PRIM2: variants seen among roughly 807,000 people sequenced by gnomAD.
PRIM2 encodes the protein DNA primase large subunit.
PRIM2 carries 39 observed loss-of-function variants against 67.3 expected under a neutral mutation model. That is an observed-to-expected ratio of 0.58 (90% CI 0.45 to 0.76). The LOEUF (loss-of-function observed/expected upper bound fraction) is 0.76, where lower values mean the gene tolerates loss of function less well. Ranked by LOEUF, PRIM2 falls within the 30% of genes least tolerant of loss-of-function variation. PRIM2 has a pLI of 0.00. For synonymous variants in PRIM2, 143 were observed against 198.7 expected (o/e 0.72, Z 2.36); for missense variants, 398 against 598.7 (o/e 0.66, Z 3.50).
intron 8 of PRIM2, among the ~76,000 whole-genome samples, chr6:57,509,034 C>A (rs1272257565): frequency 6.6e-6 from 1 of 152,016 alleles, no homozygotes; most frequent in African/African-American, 2.4e-5. Context: ...TTTTTACTTT[C>A]ACCAGAAAGT....
At chr6:57,632,441 G>A (rs1777051965) in intron 13 of PRIM2, among the ~76,000 whole-genome samples, 1 of 152,188 alleles carries the variant, frequency 6.6e-6, no homozygotes, top group African/African-American at 2.4e-5. Context: ...CTTTACTACA[G>A]TTGTCACCCA....
At chr6:57,505,243 A>G (rs1554347184) in intron 7 of PRIM2, 17 of 152,244 alleles carry the variant, frequency 1.1e-4, no homozygotes, top group Non-Finnish European at 2.1e-4. Context: ...GGAAAACTCA[A>G]AAATCTTCCT....
At chr6:57,371,965 A>G (rs1438188706) in intron 5 of PRIM2, among the ~76,000 whole-genome samples, 1 of 152,270 alleles carries the variant, frequency 6.6e-6, no homozygotes, top group Non-Finnish European at 1.5e-5. Context: ...CAACAGAGAT[A>G]TATGTAAACA....
At chr6:57,293,518 T>C in the PRIM2 span, among the ~76,000 whole-genome samples, 1 of 152,306 alleles carries the variant, frequency 6.6e-6, no homozygotes, top group East Asian at 1.9e-4. Flanking sequence ...ATCATTCTAA[T>C]ATAAAGACAC....
At chr6:57,467,531 G>T (rs1428550356) in intron 7 of PRIM2, among the ~76,000 whole-genome samples, 102,249 of 151,960 alleles carry the variant, frequency 0.67, 34,383 homozygotes, top group South Asian at 0.74. Flanking sequence ...TACTGTAGCC[G>T]TATAGTATAG....
At chr6:57,417,765 A>G (rs1335180443) in intron 7 of PRIM2, among the ~76,000 whole-genome samples, 74 of 152,384 alleles carry the variant, frequency 4.9e-4, no homozygotes, top group African/African-American at 1.8e-3. Context: ...ACGCAGAAAC[A>G]CGAAGTGAGC....
the PRIM2 span, among the ~76,000 whole-genome samples, chr6:57,242,543 A>G: frequency 2.0e-5 from 3 of 152,212 alleles, no homozygotes; most frequent in Non-Finnish European, 4.4e-5. Context: ...TTTCCAAACC[A>G]ATATGATGGT....
At chr6:57,247,003 C>T in the PRIM2 span, among the ~76,000 whole-genome samples, 1,765 of 152,218 alleles carry the variant, frequency 0.012, 40 homozygotes, top group African/African-American at 0.04. Context: ...TACAGGTACC[C>T]ACCACCATGC....
chr6:57,231,012 C>A, the PRIM2 span, among the ~76,000 whole-genome samples: 1 of 152,162 alleles, frequency 6.6e-6, no homozygotes, highest in Non-Finnish European at 1.5e-5. Context: ...TTTTTCAATC[C>A]TAAGGATCCA....
At chr6:57,418,746 G>A (rs9475935) in intron 7 of PRIM2, among the ~76,000 whole-genome samples, 6,280 of 151,928 alleles carry the variant, frequency 0.041, 425 homozygotes, top group African/African-American at 0.14. Flanking sequence ...AATATTTCAC[G>A]ATTGCCTCCT....
At chr6:57,643,588 C>G (rs1257285150) in intron 13 of PRIM2, among the ~76,000 whole-genome samples, 9 of 152,100 alleles carry the variant, frequency 5.9e-5, no homozygotes, top group Non-Finnish European at 1.3e-4. Flanking sequence ...ATGTATTAGA[C>G]AATAAACATA....
intron 5 of PRIM2, among the ~76,000 whole-genome samples, chr6:57,360,632 CT>C (rs1330944649): frequency 6.6e-6 from 1 of 152,126 alleles, no homozygotes; most frequent in Non-Finnish European, 1.5e-5. Context: ...CTATACACAG[CT>C]GTTTGTGTTT....
intron 7 of PRIM2, among the ~76,000 whole-genome samples, chr6:57,451,779 CTT>C (rs146616279): frequency 4.5e-5 from 6 of 133,968 alleles, no homozygotes; most frequent in Admixed American, 7.5e-5. Context: ...CATTTCCTTT[CTT>C]TTTTTTTTTT....
chr6:57,312,266 C>T (rs541964274), upstream of PRIM2, among the ~76,000 whole-genome samples: 68 of 151,954 alleles, frequency 4.5e-4, no homozygotes, highest in African/African-American at 1.6e-3. Flanking sequence ...TTTGGGAGGC[C>T]GAGGCAGGAG....
chr6:57,234,956 G>A, the PRIM2 span, among the ~76,000 whole-genome samples: 9 of 152,096 alleles, frequency 5.9e-5, no homozygotes, highest in African/African-American at 1.9e-4. Context: ...GAGGATCGTC[G>A]GAGCCAAGGA....
intron 7 of PRIM2, among the ~76,000 whole-genome samples, chr6:57,504,541 A>G (rs1774214846): frequency 1.3e-5 from 2 of 152,186 alleles, no homozygotes; most frequent in Non-Finnish European, 2.9e-5. Flanking sequence ...CGATAATGAG[A>G]AATAGGCTAT....
In PRIM2 at chr6:57,325,570, G is replaced by A. The variant is rs534935825; in HGVS notation, c.339-355G>A. Among the ~76,000 whole-genome samples the A allele has an allele frequency of 5.9e-5, 9 of 152,104 alleles. No homozygotes were observed. In the East Asian group the frequency reaches 1.2e-3, roughly 20 times the overall value. On this transcript the variant is annotated intron_variant, in intron 4 of 13. Coordinates refer to ENST00000615550, the MANE Select transcript of PRIM2 (RefSeq NM_000947.5). ...TGACCTCCCAAGGTGCTGGGATTAC[G>A]GGCATGAACCACGACGCCCAGCCCC...
rs755325694 is a variant in PRIM2 at position 57,407,243 on chromosome 6, A to G, written c.693+25075A>G. Among the ~76,000 whole-genome samples, 3 of 152,288 alleles carry G rather than the reference A, an allele frequency of 2.0e-5. No individual in the cohort carries two copies. In the South Asian group the frequency reaches 6.2e-4, roughly 32 times the overall value. ...TGGCGGGGCAACTATAATCTCAAAGAAAGAGAATAACAATTTGCATTTATA... is the reference window on the plus strand; with the variant it reads ...TGGCGGGGCAACTATAATCTCAAAGGAAGAGAATAACAATTTGCATTTATA... On this transcript the variant is annotated intron_variant, in intron 7 of 13. Coordinates refer to ENST00000615550, the MANE Select transcript of PRIM2 (RefSeq NM_000947.5).
chr6:57,301,043 A>C, the PRIM2 span, among the ~76,000 whole-genome samples: 4 of 152,228 alleles, frequency 2.6e-5, no homozygotes, highest in African/African-American at 9.6e-5. Context: ...CGGTCCTAAG[A>C]ACAGGATGCC....
Sources: gnomAD v4.1 joint callset for allele counts (sites outside exome capture counted in the v4.1 genomes callset) on GRCh38, gnomAD v4.1.1 for gene constraint, MANE v1.5 for transcripts, NCBI Gene and HGNC (gene_info 2026-07-23, HGNC 2026-07-21) for gene names.